Variants in SV2C observed in about 807,000 individuals in gnomAD.
SV2C encodes the protein solute carrier family 22 member B3.
SV2C carries 49 observed loss-of-function variants against 79.7 expected under a neutral mutation model. The ratio of observed to expected loss-of-function variants is 0.61; its 90% CI spans 0.49 to 0.78. The LOEUF (loss-of-function observed/expected upper bound fraction) is 0.78. SV2C is among the 30% of genes least tolerant of loss of function. The pLI is 0.00. For synonymous variants in SV2C, 334 were observed against 333.2 expected, an observed-to-expected ratio of 1.00 and a Z score of -0.03; for missense variants, 833 against 912.9, an observed-to-expected ratio of 0.91 and a Z score of 1.13.
the SV2C span, among the ~76,000 whole-genome samples, chr5:75,873,686 T>A: frequency 1.7e-4 from 26 of 152,218 alleles, no homozygotes; most frequent in African/African-American, 6.3e-4. Flanking sequence ...TGTGATACAC[T>A]TCAAAAATTG....
chr5:75,929,394 C>T, the SV2C span, among the ~76,000 whole-genome samples: 3 of 151,954 alleles, frequency 2.0e-5, no homozygotes, highest in African/African-American at 7.3e-5. Context: ...TTGCCTAAGG[C>T]ATGGTGGGGA....
intron 12 of SV2C, among the ~76,000 whole-genome samples, chr5:76,315,390 G>A (rs1359845580): frequency 2.6e-5 from 4 of 151,930 alleles, no homozygotes; most frequent in Admixed American, 6.6e-5. Context: ...CCATTAAAAT[G>A]TCTATTACAA....
At chr5:76,013,636 A>G in the SV2C span, among the ~76,000 whole-genome samples, 2 of 152,248 alleles carry the variant, frequency 1.3e-5, no homozygotes, top group Admixed American at 6.5e-5. Flanking sequence ...AGAACTTCCA[A>G]TGAAAAGTAC....
At chr5:76,085,823 C>T (rs1208912705) in intron 1 of SV2C, among the ~76,000 whole-genome samples, 1 of 67,536 alleles carries the variant, frequency 1.5e-5, no homozygotes, top group South Asian at 6.5e-4. Flanking sequence ...CAAACAAAGC[C>T]CCTACACACA....
At chr5:75,968,999 GA>G in the SV2C span, among the ~76,000 whole-genome samples, 1 of 152,222 alleles carries the variant, frequency 6.6e-6, no homozygotes, top group South Asian at 2.1e-4. Flanking sequence ...CTACAAGCCA[GA>G]AGAGAGTGGG....
At chr5:75,980,067 A>G in the SV2C span, among the ~76,000 whole-genome samples, 3 of 152,124 alleles carry the variant, frequency 2.0e-5, no homozygotes, top group Non-Finnish European at 4.4e-5. Context: ...AAATACACAC[A>G]ATCAGAGAAT....
the SV2C span, among the ~76,000 whole-genome samples, chr5:76,073,846 A>G: frequency 6.6e-6 from 1 of 152,056 alleles, no homozygotes; most frequent in Non-Finnish European, 1.5e-5. Flanking sequence ...AATCACCACT[A>G]AAGAACTTAT....
chr5:76,105,839 C>T (rs1417095230), intron 1 of SV2C, among the ~76,000 whole-genome samples: 5 of 152,096 alleles, frequency 3.3e-5, no homozygotes, highest in African/African-American at 9.7e-5. Context: ...TGCTGGTTTA[C>T]GCTCTTCTCC....
chr5:76,014,875 C>T, the SV2C span, among the ~76,000 whole-genome samples: 1 of 152,128 alleles, frequency 6.6e-6, no homozygotes, highest in Non-Finnish European at 1.5e-5. Flanking sequence ...AAAAAGCCTA[C>T]ATAAAGTAAC....
intron 4 of SV2C, among the ~76,000 whole-genome samples, chr5:76,257,626 T>G (rs1214605835): frequency 1.3e-5 from 2 of 150,526 alleles, no homozygotes; most frequent in African/African-American, 4.9e-5. Flanking sequence ...GTAGTGTGTG[T>G]GGGTGTGGGT....
the SV2C span, among the ~76,000 whole-genome samples, chr5:75,914,759 T>C: frequency 1.3e-5 from 2 of 152,242 alleles, no homozygotes; most frequent in African/African-American, 4.8e-5. Flanking sequence ...TGGTTTCTAT[T>C]ATTACAGCCT....
intron 1 of SV2C, among the ~76,000 whole-genome samples, chr5:76,088,023 A>C (rs1747254909): frequency 6.6e-6 from 1 of 152,210 alleles, no homozygotes; most frequent in Non-Finnish European, 1.5e-5. Flanking sequence ...TCAGAGCCCT[A>C]GGTGGTCTGG....
chr5:76,263,564 G>T (rs1468698976), intron 4 of SV2C, among the ~76,000 whole-genome samples: 1 of 152,064 alleles, frequency 6.6e-6, no homozygotes, highest in African/African-American at 2.4e-5. Context: ...GGTGTTGATG[G>T]TCTTTACAAT....
In SV2C at chr5:76,327,172, G is replaced by C. The variant is rs1035220147; in HGVS notation, c.*1625G>C. 6.6e-6 allele frequency: 1 copy of C among 152,042 alleles called. No homozygotes were observed. The highest frequency in any genetic ancestry group is 2.4e-5 in the African/African-American group (1 of 41,380). The allele number at this position is 152,042 out of a possible 1,614,324, so 9.4% of individuals were successfully genotyped here. ...CTCCCCTTCCTAATGATCCCTCGCA[G>C]AGCTCAGACTAAGTGAAAAGCTTCT... is the stretch of plus-strand genomic sequence containing the variant. On this transcript the variant is annotated 3_prime_UTR_variant, in exon 13 of 13. Coordinates refer to ENST00000502798, the MANE Select transcript of SV2C (RefSeq NM_014979.4).
At chr5:76,021,881 G>A in the SV2C span, among the ~76,000 whole-genome samples, 8 of 152,094 alleles carry the variant, frequency 5.3e-5, no homozygotes, top group Non-Finnish European at 1.2e-4. Flanking sequence ...TCTTATAGGT[G>A]AGTAAAAGTT....
the SV2C span, among the ~76,000 whole-genome samples, chr5:75,904,463 T>C: frequency 0.015 from 2,331 of 151,250 alleles, 46 homozygotes; most frequent in African/African-American, 0.051. Flanking sequence ...GCCCAGCAAC[T>C]CTGAGTGTCT....
At chr5:76,088,621 G>A (rs1423412861) in intron 1 of SV2C, among the ~76,000 whole-genome samples, 8 of 152,076 alleles carry the variant, frequency 5.3e-5, no homozygotes, top group Non-Finnish European at 1.2e-4. Flanking sequence ...ATCACACTGG[G>A]GAGTAAGTTC....
chr5:75,938,115 T>C, the SV2C span, among the ~76,000 whole-genome samples: 2 of 152,190 alleles, frequency 1.3e-5, no homozygotes, highest in African/African-American at 2.4e-5. Context: ...CCGTCTGTTA[T>C]TTACATAATG....
the SV2C span, among the ~76,000 whole-genome samples, chr5:75,878,853 T>TA: frequency 6.7e-5 from 10 of 148,498 alleles, no homozygotes; most frequent in East Asian, 3.9e-4. Flanking sequence ...TAATTTATAT[T>TA]AAAAAAAAGG....
Sources: gnomAD v4.1 joint callset for allele counts (sites outside exome capture counted in the v4.1 genomes callset) on GRCh38, gnomAD v4.1.1 for gene constraint, MANE v1.5 for transcripts, NCBI Gene and HGNC (gene_info 2026-07-23, HGNC 2026-07-21) for gene names.